Variants in KCNN2 observed in about 807,000 individuals in gnomAD.
The protein encoded by KCNN2 is potassium calcium-activated channel subfamily N member 2.
KCNN2 carries 24 observed loss-of-function variants against 55.5 expected under a neutral mutation model. The ratio of observed to expected loss-of-function variants is 0.43; its 90% CI spans 0.31 to 0.61. KCNN2 has a LOEUF of 0.61. KCNN2 is among the 20% of genes least tolerant of loss of function. KCNN2 has a pLI of 0.08. For missense variants in KCNN2, 754 were observed against 853.6 expected (o/e 0.88, Z 1.45); for synonymous variants, 431 against 336.1 (o/e 1.28, Z -3.09).
At chr5:114,223,233 A>G (rs1371891409) in intron 2 of KCNN2, among the ~76,000 whole-genome samples, 3 of 152,178 alleles carry the variant, frequency 2.0e-5, no homozygotes, top group Admixed American at 2.0e-4. Flanking sequence ...TGGAAAAGTA[A>G]CCCATAATTA....
chr5:114,108,606 T>TA (rs1751534438), intron 1 of KCNN2, among the ~76,000 whole-genome samples: 1 of 152,090 alleles, frequency 6.6e-6, no homozygotes, highest in South Asian at 2.1e-4. Flanking sequence ...AAAAAAGGAA[T>TA]AATACATCTG....
At chr5:114,464,876 A>AAAT (rs1761369626) in intron 4 of KCNN2, among the ~76,000 whole-genome samples, 1 of 151,698 alleles carries the variant, frequency 6.6e-6, no homozygotes, top group Non-Finnish European at 1.5e-5. Flanking sequence ...TTTTTTCCTC[A>AAAT]AATAATAGCA....
intron 2 of KCNN2, among the ~76,000 whole-genome samples, chr5:114,331,029 A>G (rs1044481792): frequency 1.3e-5 from 2 of 152,200 alleles, no homozygotes; most frequent in African/African-American, 4.8e-5. Flanking sequence ...ACATTTTCAG[A>G]TACTCTAGTG....
chr5:114,235,090 A>T (rs759948340), intron 2 of KCNN2, among the ~76,000 whole-genome samples: 8 of 152,222 alleles, frequency 5.3e-5, no homozygotes, highest in Non-Finnish European at 1.2e-4. Flanking sequence ...AAAGGAAGAC[A>T]TCTAGGAGGA....
chr5:114,140,226 G>T (rs1042020799), intron 1 of KCNN2, among the ~76,000 whole-genome samples: 3 of 152,144 alleles, frequency 2.0e-5, no homozygotes, highest in East Asian at 3.8e-4. Flanking sequence ...ATTGTGAAGA[G>T]ATCTTGATAT....
At position 114,492,269 on chromosome 5, in the gene KCNN2, G is replaced by A. The variant is rs572278972; in HGVS notation, c.2019-1134G>A. 3.4e-4 allele frequency among the ~76,000 whole-genome samples: 51 copies of A among 152,110 alleles called. No individual in the cohort carries two copies. In the South Asian group the frequency reaches 9.5e-3, roughly 28 times the overall value. Reference sequence around the variant, plus strand: ...CTCCCTGGCAGTAAAATCTTGCCCTGTGAGTTTTTATTCCTTCTACATAAT... The same window carrying A: ...CTCCCTGGCAGTAAAATCTTGCCCTATGAGTTTTTATTCCTTCTACATAAT... On this transcript the variant is annotated intron_variant, in intron 6 of 7. Coordinates refer to ENST00000673685, the MANE Select transcript of KCNN2 (RefSeq NM_021614.4).
chr5:114,362,913 GT>G lies in KCNN2; in HGVS notation c.775del (p.Ser259ProfsTer122). 6.3e-7 allele frequency: 1 copy of G among 1,584,582 alleles called. No individual in the cohort carries two copies. On this transcript the variant is annotated frameshift_variant, in exon 1 of 8. Transcript: ENST00000673685. LOFTEE classifies it high-confidence loss of function. ...PASVGGGGGA[S>X]SPSAAAAAAA... Reference sequence around the variant, plus strand: ...CGTCTGTCGGAGGAGGTGGCGGCGCGTCCTCCCCGTCTGCAGCCGCTGCCGC... The same window carrying G: ...CGTCTGTCGGAGGAGGTGGCGGCGCGCCTCCCCGTCTGCAGCCGCTGCCGC...
At chr5:114,065,806 TGAGTTGTTGCTAA>T (rs1750432968) in intron 1 of KCNN2, among the ~76,000 whole-genome samples, 1 of 141,350 alleles carries the variant, frequency 7.1e-6, no homozygotes, top group African/African-American at 2.6e-5. Context: ...AAGATACCAG[TGAGTTGTTGCTAA>T]GAGCTTTTAG....
At chr5:114,391,907 G>T (rs1391837242) in intron 2 of KCNN2, among the ~76,000 whole-genome samples, 2 of 152,046 alleles carry the variant, frequency 1.3e-5, no homozygotes, top group African/African-American at 4.8e-5. Context: ...GTCAGAGGGT[G>T]GTTGCTGCAG....
chr5:114,293,449 T>C (rs1282750361), intron 2 of KCNN2, among the ~76,000 whole-genome samples: 2 of 152,198 alleles, frequency 1.3e-5, no homozygotes, highest in Non-Finnish European at 2.9e-5. Context: ...ATTGAGATAA[T>C]CATGTGGTTT....
At chr5:114,405,427 G>A (rs900219963) in intron 3 of KCNN2, among the ~76,000 whole-genome samples, 4 of 152,268 alleles carry the variant, frequency 2.6e-5, no homozygotes, top group Admixed American at 6.5e-5. Context: ...TGTCTGCAGC[G>A]CTCTGGTGGT....
At chr5:114,471,975 G>A (rs1416688797) in intron 4 of KCNN2, among the ~76,000 whole-genome samples, 1 of 152,164 alleles carries the variant, frequency 6.6e-6, no homozygotes, top group Non-Finnish European at 1.5e-5. Flanking sequence ...CTGTGCCTCT[G>A]TCTAGCGGAC....
intron 1 of KCNN2, among the ~76,000 whole-genome samples, chr5:114,094,472 G>GGCCT (rs1377960733): frequency 6.6e-6 from 1 of 152,186 alleles, no homozygotes; most frequent in Non-Finnish European, 1.5e-5. Flanking sequence ...TGTGTTGGCT[G>GGCCT]GCCTTCATGT....
At chr5:114,193,513 T>C (rs1208007844) in intron 1 of KCNN2, among the ~76,000 whole-genome samples, 2 of 152,166 alleles carry the variant, frequency 1.3e-5, no homozygotes, top group Non-Finnish European at 2.9e-5. Flanking sequence ...CTTTAGTTAG[T>C]GCTATTCAGA....
chr5:114,136,539 A>G (rs1446883962), intron 1 of KCNN2, among the ~76,000 whole-genome samples: 1 of 152,242 alleles, frequency 6.6e-6, no homozygotes, highest in Non-Finnish European at 1.5e-5. Context: ...TAGGCAGTTC[A>G]TGCTGGACAG....
At chr5:114,447,347 C>A (rs891427171) in intron 3 of KCNN2, among the ~76,000 whole-genome samples, 43 of 152,136 alleles carry the variant, frequency 2.8e-4, no homozygotes, top group African/African-American at 9.9e-4. Flanking sequence ...TTAGATCCAG[C>A]TATTGTATTT....
At chr5:114,150,577 T>A (rs1227248108) in intron 1 of KCNN2, among the ~76,000 whole-genome samples, 2 of 152,184 alleles carry the variant, frequency 1.3e-5, no homozygotes, top group Admixed American at 1.3e-4. Context: ...TTTGGTCCAC[T>A]GGCCAGGGGT....
intron 1 of KCNN2, among the ~76,000 whole-genome samples, chr5:114,176,245 C>A (rs1753129518): frequency 6.6e-6 from 1 of 152,132 alleles, no homozygotes; most frequent in African/African-American, 2.4e-5. Flanking sequence ...TCAAACTTTG[C>A]CAAATGTCCC....
At chr5:114,113,158 C>G (rs1270921865) in intron 1 of KCNN2, among the ~76,000 whole-genome samples, 1 of 152,022 alleles carries the variant, frequency 6.6e-6, no homozygotes, top group Non-Finnish European at 1.5e-5. Flanking sequence ...TTTTATCTCT[C>G]TTATTTGGGA....
Sources: gnomAD v4.1 joint callset for allele counts (sites outside exome capture counted in the v4.1 genomes callset) on GRCh38, gnomAD v4.1.1 for gene constraint, MANE v1.5 for transcripts, NCBI Gene and HGNC (gene_info 2026-07-23, HGNC 2026-07-21) for gene names.